ROBO2: variants seen among roughly 807,000 people sequenced by gnomAD.
ROBO2 encodes roundabout guidance receptor 2.
In ROBO2, 53 loss-of-function variants were observed where a neutral mutation model predicts 160.8. The observed-to-expected ratio is 0.33, with a 90% CI of 0.26 to 0.41. The LOEUF (loss-of-function observed/expected upper bound fraction) is 0.41. Ranked by LOEUF, ROBO2 falls within the 10% of genes least tolerant of loss-of-function variation. ROBO2 has a pLI of 1.00. For synonymous variants in ROBO2, 664 were observed against 611.7 expected, an observed-to-expected ratio of 1.09 and a Z score of -1.26; for missense variants, 1,577 against 1,722.4, an observed-to-expected ratio of 0.92 and a Z score of 1.49.
At chr3:76,791,323 C>G (rs369609012) in intron 2 of ROBO2, among the ~76,000 whole-genome samples, 2 of 151,758 alleles carry the variant, frequency 1.3e-5, no homozygotes, top group African/African-American at 2.4e-5. Context: ...TTGCCTCTTG[C>G]TGTCCCCAGC....
rs2077641875 is a variant in ROBO2 at position 77,152,603 on chromosome 3, C to A, written c.388+54263C>A. ...TATGTTCGTTGTATCAAATCTCAGG[C>A]CTTATGCCAGGCCTACTGGATCCAA... is the stretch of plus-strand genomic sequence containing the variant. On this transcript the variant is annotated intron_variant, in intron 2 of 25. Coordinates refer to ENST00000461745, the Ensembl canonical transcript of ROBO2. 2.0e-5 allele frequency among the ~76,000 whole-genome samples: 3 copies of A among 152,206 alleles called. No homozygotes were observed. In the South Asian group the frequency reaches 6.2e-4, roughly 31 times the overall value.
At chr3:76,011,603 A>G (rs1251906945) in intron 2 of ROBO2, among the ~76,000 whole-genome samples, 2 of 152,180 alleles carry the variant, frequency 1.3e-5, no homozygotes, top group African/African-American at 2.4e-5. Flanking sequence ...TCTCTCTGCA[A>G]TGGACACAGA....
At chr3:77,415,690 T>A (rs2077161123) in intron 2 of ROBO2, among the ~76,000 whole-genome samples, 1 of 151,894 alleles carries the variant, frequency 6.6e-6, no homozygotes, top group Admixed American at 6.6e-5. Flanking sequence ...GTGTGGGCAG[T>A]TTTTGCTTTG....
chr3:76,078,752 C>T (rs374957774), intron 2 of ROBO2, among the ~76,000 whole-genome samples: 2 of 151,804 alleles, frequency 1.3e-5, no homozygotes, highest in Non-Finnish European at 2.9e-5. Context: ...AAAAAAAAAG[C>T]TTGCCATATG....
chr3:77,574,593 C>T, exon 14 of ROBO2: 1 of 1,613,380 alleles, frequency 6.2e-7, no homozygotes, highest in Non-Finnish European at 8.5e-7. Context: ...AATTTAGATG[C>T]CAAAGTCCCG....
chr3:76,925,451 T>G (rs769635629), intron 2 of ROBO2, among the ~76,000 whole-genome samples: 1 of 152,088 alleles, frequency 6.6e-6, no homozygotes, highest in Non-Finnish European at 1.5e-5. Flanking sequence ...TGAAGCCAGT[T>G]TTACTAAAAT....
intron 2 of ROBO2, among the ~76,000 whole-genome samples, chr3:76,427,745 G>A (rs1476910771): frequency 6.6e-6 from 1 of 151,970 alleles, no homozygotes; most frequent in African/African-American, 2.4e-5. Context: ...TAATGATTAC[G>A]GTTATATTTT....
At chr3:75,958,381 A>T (rs1237326169) in intron 2 of ROBO2, among the ~76,000 whole-genome samples, 1 of 151,862 alleles carries the variant, frequency 6.6e-6, no homozygotes, top group South Asian at 2.1e-4. Context: ...ATCAGACATG[A>T]TACTTGCTTT....
At chr3:76,719,913 GA>G (rs975738971) in intron 2 of ROBO2, among the ~76,000 whole-genome samples, 3 of 151,294 alleles carry the variant, frequency 2.0e-5, no homozygotes, top group East Asian at 1.9e-4. Context: ...TTTCTTTAGA[GA>G]AAAAAATGTG....
chr3:77,172,534 T>G (rs1424709295), intron 2 of ROBO2, among the ~76,000 whole-genome samples: 2 of 152,174 alleles, frequency 1.3e-5, no homozygotes, highest in African/African-American at 2.4e-5. Context: ...TTTTTTCCAT[T>G]TGGCTTTTGT....
chr3:77,050,346 C>CTTTGAACT (rs1161299434), intron 1 of ROBO2, among the ~76,000 whole-genome samples: 1 of 152,016 alleles, frequency 6.6e-6, no homozygotes, highest in African/African-American at 2.4e-5. Flanking sequence ...TTCTAAGTAC[C>CTTTGAACT]TTTGAATGCC....
chr3:77,128,616 C>G, intron 2 of ROBO2, among the ~76,000 whole-genome samples: 1 of 152,172 alleles, frequency 6.6e-6, no homozygotes, highest in East Asian at 1.9e-4. Flanking sequence ...GTATGAATTA[C>G]ATAAATATTT....
intron 2 of ROBO2, among the ~76,000 whole-genome samples, chr3:77,152,200 A>G (rs976253249): frequency 1.3e-5 from 2 of 152,166 alleles, no homozygotes; most frequent in African/African-American, 4.8e-5. Context: ...GTTTGCTGGT[A>G]TACTGAGAAA....
chr3:76,338,547 C>T (rs2074029164), intron 2 of ROBO2, among the ~76,000 whole-genome samples: 1 of 151,812 alleles, frequency 6.6e-6, no homozygotes, highest in Non-Finnish European at 1.5e-5. Flanking sequence ...GTGGTGCATG[C>T]CTGTAGTACT....
chr3:76,688,343 G>A (rs1560379190), intron 2 of ROBO2, among the ~76,000 whole-genome samples: 1 of 151,720 alleles, frequency 6.6e-6, no homozygotes, highest in Non-Finnish European at 1.5e-5. Flanking sequence ...TTTAAGATAG[G>A]GGTTTGATAA....
intron 2 of ROBO2, among the ~76,000 whole-genome samples, chr3:76,675,795 T>C (rs547500625): frequency 2.0e-5 from 3 of 152,312 alleles, no homozygotes; most frequent in Admixed American, 2.0e-4. Flanking sequence ...GATTTTTTTC[T>C]TAATATTCCA....
chr3:76,335,583 T>A (rs2073826266), intron 2 of ROBO2, among the ~76,000 whole-genome samples: 1 of 144,790 alleles, frequency 6.9e-6, no homozygotes, highest in African/African-American at 2.5e-5. Flanking sequence ...AAGCCATAAC[T>A]TTTTTTTTTT....
chr3:76,410,930 G>A (rs1271676651), intron 2 of ROBO2, among the ~76,000 whole-genome samples: 6 of 152,074 alleles, frequency 3.9e-5, no homozygotes, highest in African/African-American at 1.4e-4. Flanking sequence ...AAAAACTGTT[G>A]TCATGGCTCA....
intron 2 of ROBO2, among the ~76,000 whole-genome samples, chr3:76,110,794 T>C (rs2070193080): frequency 6.6e-6 from 1 of 152,118 alleles, no homozygotes; most frequent in Non-Finnish European, 1.5e-5. Flanking sequence ...GAAATAAAAA[T>C]TCAATTAATT....
Sources: gnomAD v4.1 joint callset for allele counts (sites outside exome capture counted in the v4.1 genomes callset) on GRCh38, gnomAD v4.1.1 for gene constraint, MANE v1.5 for transcripts, NCBI Gene and HGNC (gene_info 2026-07-23, HGNC 2026-07-21) for gene names.